Variants in PIP5K1B observed in about 807,000 individuals in gnomAD.
PIP5K1B encodes the protein phosphatidylinositol-4-phosphate 5-kinase type 1 beta, also known as phosphatidylinositol 4-phosphate 5-kinase type-1 beta.
A neutral mutation model predicts 67.0 loss-of-function variants in PIP5K1B; 42 were observed. The ratio of observed to expected loss-of-function variants is 0.63; its 90% CI spans 0.49 to 0.81. The LOEUF (loss-of-function observed/expected upper bound fraction) is 0.81. Ranked by LOEUF, PIP5K1B falls within the 30% of genes least tolerant of loss-of-function variation. The pLI, the probability that PIP5K1B is intolerant of heterozygous loss-of-function variation, is 0.00. For missense variants in PIP5K1B, 459 were observed against 646.3 expected (o/e 0.71, Z 3.14); for synonymous variants, 214 against 231.4 (o/e 0.92, Z 0.68).
intron 1 of PIP5K1B, among the ~76,000 whole-genome samples, chr9:68,724,251 GT>G (rs1271664672): frequency 7.9e-6 from 1 of 126,404 alleles, no homozygotes; most frequent in Non-Finnish European, 1.7e-5. Context: ...TTTTTTTTTT[GT>G]TTTTTGTTTT....
intron 14 of PIP5K1B, among the ~76,000 whole-genome samples, chr9:68,966,320 G>A (rs942429065): frequency 7.2e-5 from 11 of 152,170 alleles, no homozygotes; most frequent in Non-Finnish European, 1.6e-4. Flanking sequence ...AAAAAGTACA[G>A]CATGGAAAGG....
intron 11 of PIP5K1B, among the ~76,000 whole-genome samples, chr9:68,921,308 T>C (rs1826389331): frequency 6.6e-6 from 1 of 151,690 alleles, no homozygotes; most frequent in African/African-American, 2.4e-5. Flanking sequence ...GAAAATTTTT[T>C]AATTAAAAAA....
chr9:68,860,966 A>C (rs930671197), intron 4 of PIP5K1B, among the ~76,000 whole-genome samples: 8 of 152,240 alleles, frequency 5.3e-5, no homozygotes, highest in Non-Finnish European at 1.2e-4. Flanking sequence ...AAAAGGCTTA[A>C]TATAACCAGA....
At position 68,861,080 on chromosome 9, in the gene PIP5K1B, T is replaced by G. The variant is rs2132250983; in HGVS notation, c.70-2757T>G. On this transcript the variant is annotated intron_variant, in intron 4 of 15. Transcript: ENST00000265382. The stretch of plus-strand genomic sequence containing the variant: ...TAATTGTTATTATTCATATATCAAG[T>G]GCCTGGCATAAATTAGTTGGTCAAA... 2.0e-5 allele frequency among the ~76,000 whole-genome samples: 3 copies of G among 152,364 alleles called. No individual in the cohort carries two copies. The South Asian group carries it at 6.2e-4, about 32-fold the overall frequency.
chr9:68,724,470 C>T (rs953480615), intron 1 of PIP5K1B, among the ~76,000 whole-genome samples: 4 of 151,792 alleles, frequency 2.6e-5, no homozygotes, highest in South Asian at 2.1e-4. Flanking sequence ...GAATCTACTC[C>T]GTATAGCGAT....
At chr9:68,709,793 C>G (rs2151416) in intron 1 of PIP5K1B, among the ~76,000 whole-genome samples, 87,892 of 151,988 alleles carry the variant, frequency 0.58, 25,701 homozygotes, top group East Asian at 0.69. Flanking sequence ...GCCTGTGGTC[C>G]CAGCTACTTG....
intron 4 of PIP5K1B, among the ~76,000 whole-genome samples, chr9:68,837,995 T>C (rs1272190418): frequency 2.6e-5 from 4 of 152,028 alleles, no homozygotes; most frequent in African/African-American, 9.6e-5. Context: ...ATTTTCTTCA[T>C]AGATTTTATA....
In PIP5K1B at chr9:68,833,509, T is replaced by C. The variant is rs538074925; in HGVS notation, c.69+10826T>C. ...TTGTCCCCCAGGAGACATTAGACAG[T>C]GCTGTCAGAACTGAGGGGAGTAGGT... is the stretch of plus-strand genomic sequence containing the variant. On this transcript the variant is annotated intron_variant, in intron 4 of 15. Coordinates refer to ENST00000265382, the MANE Select transcript of PIP5K1B (RefSeq NM_003558.4). Among the ~76,000 whole-genome samples, 10 of 152,216 alleles carry C rather than the reference T, an allele frequency of 6.6e-5. No individual in the cohort carries two copies. In the South Asian group the frequency reaches 1.5e-3, roughly 22 times the overall value.
At chr9:69,001,503 G>T (rs1830823553) in intron 15 of PIP5K1B, among the ~76,000 whole-genome samples, 1 of 152,140 alleles carries the variant, frequency 6.6e-6, no homozygotes, top group Admixed American at 6.5e-5. Flanking sequence ...AAGGAAAGCG[G>T]TTTAATTAAC....
intron 6 of PIP5K1B, among the ~76,000 whole-genome samples, chr9:68,886,653 G>A (rs556271768): frequency 2.6e-5 from 4 of 152,344 alleles, no homozygotes; most frequent in Admixed American, 2.6e-4. Context: ...TTTATCCGCG[G>A]AACCAGGAAG....
At position 68,720,188 on chromosome 9, in the gene PIP5K1B, T is replaced by G. The variant is rs796763637; in HGVS notation, c.-243+14426T>G. ...AAGCTGTAACCGTTTTTCCCTTGACTTCTGAGCTCCCCCTTCCTTTACAAA... is the reference window on the plus strand; with the variant it reads ...AAGCTGTAACCGTTTTTCCCTTGACGTCTGAGCTCCCCCTTCCTTTACAAA... On this transcript the variant is annotated intron_variant, in intron 1 of 15. Transcript: ENST00000265382. Among the ~76,000 whole-genome samples, 3 of 152,332 alleles carry G rather than the reference T, an allele frequency of 2.0e-5. No homozygotes were observed. In the East Asian group the frequency reaches 5.8e-4, roughly 29 times the overall value.
At chr9:68,893,339 T>TTC (rs1430818450) in intron 7 of PIP5K1B, among the ~76,000 whole-genome samples, 1 of 141,708 alleles carries the variant, frequency 7.1e-6, no homozygotes, top group African/African-American at 2.6e-5. Context: ...TTTTCTTTTT[T>TTC]TTTTTTTTTT....
intron 1 of PIP5K1B, among the ~76,000 whole-genome samples, chr9:68,706,468 C>G (rs79949154): frequency 7.2e-5 from 11 of 152,288 alleles, no homozygotes; most frequent in African/African-American, 2.6e-4. Context: ...CTTATCCCCC[C>G]CAACCCCCAG....
intron 2 of PIP5K1B, among the ~76,000 whole-genome samples, chr9:68,748,613 C>CTTTTTTTTTTTTTTTTTTTT (rs58954806): frequency 5.1e-5 from 5 of 98,300 alleles, no homozygotes; most frequent in Non-Finnish European, 7.9e-5. Flanking sequence ...GATTTCTTTT[C>CTTTTTTTTTTTTTTTTTTTT]TTTTTTTTTT....
At chr9:68,743,862 G>A (rs1395336711) in intron 2 of PIP5K1B, among the ~76,000 whole-genome samples, 1 of 152,208 alleles carries the variant, frequency 6.6e-6, no homozygotes, top group Non-Finnish European at 1.5e-5. Context: ...CTGAGTATGG[G>A]TTGAGGCTCT....
At position 68,925,795 on chromosome 9, in the gene PIP5K1B, A is replaced by ATTTTTTTTTTTTTTTTTTTTTTTTT. The variant is rs71353094; in HGVS notation, c.1201+2429_1201+2430insTTTTTTTTTTTTTTTTTTTTTTTTT. Reference sequence around the variant, plus strand: ...ACATGAATACCAGCTTGTGGTTCCAATTTTTTTTTTTTTTTTTTTTGAGAC... The same window carrying ATTTTTTTTTTTTTTTTTTTTTTTTT: ...ACATGAATACCAGCTTGTGGTTCCAATTTTTTTTTTTTTTTTTTTTTTTTTTTTTTTTTTTTTTTTTTTTTGAGAC... On this transcript the variant is annotated intron_variant, in intron 12 of 15. Coordinates refer to ENST00000265382, the MANE Select transcript of PIP5K1B (RefSeq NM_003558.4). 9.0e-3 allele frequency among the ~76,000 whole-genome samples: 662 copies of ATTTTTTTTTTTTTTTTTTTTTTTTT among 73,218 alleles called. 136 individuals are homozygous for ATTTTTTTTTTTTTTTTTTTTTTTTT. The highest frequency in any genetic ancestry group is 0.04 in the East Asian group (62 of 1,568). The allele number at this position is 73,218 out of a possible 152,430, so 48.0% of individuals were successfully genotyped here.
intron 4 of PIP5K1B, among the ~76,000 whole-genome samples, chr9:68,847,644 A>G (rs995009468): frequency 6.6e-6 from 1 of 152,078 alleles, no homozygotes; most frequent in Non-Finnish European, 1.5e-5. Flanking sequence ...CTTTGGCCCC[A>G]TATAGGACAC....
intron 1 of PIP5K1B, among the ~76,000 whole-genome samples, chr9:68,723,179 TGAGAGA>T (rs754438778): frequency 1.7e-5 from 2 of 116,824 alleles, no homozygotes; most frequent in Admixed American, 9.0e-5. Context: ...TGTGTGTGTG[TGAGAGA>T]GAGAGAGAGA....
intron 8 of PIP5K1B, among the ~76,000 whole-genome samples, chr9:68,911,327 C>T (rs1351918888): frequency 6.8e-6 from 1 of 146,546 alleles, no homozygotes; most frequent in East Asian, 2.0e-4. Context: ...GAGCCGAGAA[C>T]ATGCCATTGC....
Sources: allele counts gnomAD v4.1 joint callset (sites outside exome capture counted in the v4.1 genomes callset), GRCh38; gene constraint gnomAD v4.1.1; transcripts MANE v1.5; gene names NCBI Gene and HGNC (gene_info 2026-07-23, HGNC 2026-07-21).